Variants in POFUT1 observed in about 807,000 individuals in gnomAD.
The protein encoded by POFUT1 is protein O-fucosyltransferase 1.
In POFUT1, 16 loss-of-function variants were observed where a neutral mutation model predicts 42.4. That is an observed-to-expected ratio of 0.38 (90% CI 0.26 to 0.57). The LOEUF (loss-of-function observed/expected upper bound fraction) is 0.57. POFUT1 is among the 20% of genes least tolerant of loss of function. The pLI is 0.71. For missense variants in POFUT1, 470 were observed against 504.6 expected (o/e 0.93, Z 0.66); for synonymous variants, 206 against 205.4 (o/e 1.00, Z -0.03).
chr20:32,213,140 C>T (rs764961227), intron 2 of POFUT1, among the ~76,000 whole-genome samples: 2 of 152,102 alleles, frequency 1.3e-5, no homozygotes, highest in Non-Finnish European at 2.9e-5. Context: ...TCCGCCTCAG[C>T]CTCCCAAAGT....
chr20:32,230,386 CAAA>C (rs71185388), intron 5 of POFUT1, among the ~76,000 whole-genome samples: 7 of 104,506 alleles, frequency 6.7e-5, no homozygotes, highest in Non-Finnish European at 8.1e-5. Context: ...GACTCCCTCT[CAAA>C]AAAAAAAAAA....
chr20:32,222,707 T>C, intron 4 of POFUT1: 2 of 985,420 alleles, frequency 2.0e-6, no homozygotes, highest in Non-Finnish European at 2.4e-6. Flanking sequence ...CCACGTGATT[T>C]CTGAGGATCC....
At chr20:32,212,473 C>G (rs1327191778) in intron 2 of POFUT1, among the ~76,000 whole-genome samples, 1 of 152,026 alleles carries the variant, frequency 6.6e-6, no homozygotes, top group African/African-American at 2.4e-5. Flanking sequence ...GCTATGTTTC[C>G]CAGGCTGGTC....
chr20:32,232,646 A>C (rs2047448994), intron 6 of POFUT1, among the ~76,000 whole-genome samples: 1 of 151,926 alleles, frequency 6.6e-6, no homozygotes. Context: ...TTCAGCCCCA[A>C]CTCTGCCCAC....
chr20:32,221,726 T>A (rs2047391852), intron 4 of POFUT1, among the ~76,000 whole-genome samples: 2 of 149,104 alleles, frequency 1.3e-5, no homozygotes, highest in Admixed American at 6.6e-5. Flanking sequence ...AAAAAAAAAA[T>A]GCCTCTAGGG....
chr20:32,227,407 C>A (rs1179254270), intron 4 of POFUT1, among the ~76,000 whole-genome samples: 1 of 152,160 alleles, frequency 6.6e-6, no homozygotes, highest in Non-Finnish European at 1.5e-5. Context: ...GTAGTCCCAG[C>A]TACTCAGGAG....
chr20:32,210,225 CGCCCTTTCTCA>C, intron 2 of POFUT1, 33 bp downstream of exon 2: 1 of 1,612,922 alleles, frequency 6.2e-7, no homozygotes, highest in Non-Finnish European at 8.5e-7. Flanking sequence ...GGCCTTTCTC[CGCCCTTTCTCA>C]GTCTTGCTTA....
At position 32,237,968 on chromosome 20, in the gene POFUT1, A is replaced by G. The variant is rs2047480926; in HGVS notation, c.*3307A>G. On this transcript the variant is annotated 3_prime_UTR_variant, in exon 7 of 7. Transcript: ENST00000375749. ...TTACATAGTTTTAATCATGTAATAT[A>G]TACAATTTAATGTCCTAGTGTTTTA... 7.5e-6 allele frequency: 3 copies of G among 399,260 alleles called. No individual in the cohort carries two copies. The highest frequency in any genetic ancestry group is 5.6e-5 in the South Asian group (3 of 53,770). 24.7% of individuals were successfully genotyped at this position (399,260 alleles called of 1,614,324 possible).
At chr20:32,208,981 T>C (rs2047311325) in intron 1 of POFUT1, among the ~76,000 whole-genome samples, 1 of 151,956 alleles carries the variant, frequency 6.6e-6, no homozygotes, top group African/African-American at 2.4e-5. Flanking sequence ...ATGGGTATGG[T>C]GGATCATCAT....
chr20:32,231,793 G>A (rs2047445096), intron 6 of POFUT1, among the ~76,000 whole-genome samples: 2 of 152,222 alleles, frequency 1.3e-5, no homozygotes, highest in African/African-American at 4.8e-5. Context: ...GCTATCATCA[G>A]TAGTAGAAAT....
intron 5 of POFUT1, 23 bp downstream of exon 5, chr20:32,228,478 A>T: frequency 1.9e-6 from 3 of 1,603,698 alleles, no homozygotes; most frequent in Non-Finnish European, 2.6e-6. Context: ...TTCCTCTCTC[A>T]CTGGCTAACT....
Position 32,235,585 on chromosome 20 carries a change from T to C in POFUT1, c.*924T>C, listed in dbSNP as rs1017057544. 2.0e-5 allele frequency: 3 copies of C among 152,248 alleles called. No homozygotes were observed. Among genetic ancestry groups the C allele is most frequent in the South Asian group, 2.1e-4 (1 of 4,824 alleles). The allele number at this position is 152,248 out of a possible 1,614,324, so 9.4% of individuals were successfully genotyped here. The stretch of plus-strand genomic sequence containing the variant: ...AGGCCGTATTCTCACGAGGGAACGT[T>C]TGCCAAGGCTCTGACCTCACAGAAG... On this transcript the variant is annotated 3_prime_UTR_variant, in exon 7 of 7. Coordinates refer to ENST00000375749, the MANE Select transcript of POFUT1 (RefSeq NM_015352.2).
intron 4 of POFUT1, among the ~76,000 whole-genome samples, chr20:32,219,589 C>T (rs188990710): frequency 7.9e-4 from 119 of 151,532 alleles, no homozygotes; most frequent in Middle Eastern, 3.4e-3. Flanking sequence ...CTCCACCTCC[C>T]GGGTTCATGC....
At chr20:32,209,055 C>T (rs1379935157) in intron 1 of POFUT1, among the ~76,000 whole-genome samples, 1 of 152,146 alleles carries the variant, frequency 6.6e-6, no homozygotes, top group African/African-American at 2.4e-5. Context: ...ACTTTCAGGG[C>T]CCTGAATGAT....
At chr20:32,218,876 A>G (rs1221128196) in intron 4 of POFUT1, among the ~76,000 whole-genome samples, 1 of 152,222 alleles carries the variant, frequency 6.6e-6, no homozygotes, top group African/African-American at 2.4e-5. Context: ...TTATTGCCCC[A>G]TAGCTTTGTT....
chr20:32,216,578 C>G (rs1203455116), intron 3 of POFUT1, 31 bp from the exon 4 acceptor site: 1 of 1,398,426 alleles, frequency 7.2e-7, no homozygotes, highest in Non-Finnish European at 1.0e-6. Context: ...CCCTCCCCAT[C>G]AGTAAGCCTT....
chr20:32,221,086 G>A (rs2047388777), intron 4 of POFUT1, among the ~76,000 whole-genome samples: 1 of 152,158 alleles, frequency 6.6e-6, no homozygotes, highest in African/African-American at 2.4e-5. Flanking sequence ...TCTGCCACAC[G>A]GGAAAAGAGA....
intron 6 of POFUT1, among the ~76,000 whole-genome samples, chr20:32,232,800 C>T (rs2047449852): frequency 1.3e-5 from 2 of 152,096 alleles, no homozygotes; most frequent in Non-Finnish European, 2.9e-5. Flanking sequence ...TTTCCTGTCC[C>T]TATGCCAGTC....
intron 2 of POFUT1, among the ~76,000 whole-genome samples, chr20:32,212,360 C>G (rs938707853): frequency 6.6e-6 from 1 of 151,828 alleles, no homozygotes; most frequent in East Asian, 1.9e-4. Context: ...CAGCCTCCAT[C>G]TCCTCAAGCA....
Sources: allele counts gnomAD v4.1 joint callset (sites outside exome capture counted in the v4.1 genomes callset), GRCh38; gene constraint gnomAD v4.1.1; transcripts MANE v1.5; gene names NCBI Gene and HGNC (gene_info 2026-07-23, HGNC 2026-07-21).